MARCHF1: variants seen among roughly 807,000 people sequenced by gnomAD.
MARCHF1 encodes the protein membrane associated ring-CH-type finger 1, also known as E3 ubiquitin-protein ligase MARCHF1.
In MARCHF1, 40 loss-of-function variants were observed where a neutral mutation model predicts 54.2. The ratio of observed to expected loss-of-function variants is 0.74; its 90% CI spans 0.57 to 0.96. The LOEUF (loss-of-function observed/expected upper bound fraction) is 0.96, where lower values mean the gene tolerates loss of function less well. Ranked by LOEUF, MARCHF1 falls within the 40% of genes least tolerant of loss-of-function variation. MARCHF1 has a pLI of 0.00. For synonymous variants in MARCHF1, 236 were observed against 236.3 expected (o/e 1.00, Z 0.01); for missense variants, 586 against 656.5 (o/e 0.89, Z 1.17).
At chr4:164,258,063 T>C (rs559579350) in intron 1 of MARCHF1, among the ~76,000 whole-genome samples, 4 of 152,256 alleles carry the variant, frequency 2.6e-5, no homozygotes, top group South Asian at 2.1e-4. Context: ...CATGGAATAC[T>C]ATGCAGCCAT....
At chr4:164,179,652 A>G (rs1222664701) in intron 1 of MARCHF1, among the ~76,000 whole-genome samples, 5 of 152,002 alleles carry the variant, frequency 3.3e-5, no homozygotes, top group African/African-American at 1.2e-4. Context: ...TTAATGAAAA[A>G]ACTTTGCACA....
intron 1 of MARCHF1, among the ~76,000 whole-genome samples, chr4:164,287,820 TTAGAA>T (rs1339995340): frequency 6.6e-6 from 1 of 152,208 alleles, no homozygotes; most frequent in Non-Finnish European, 1.5e-5. Context: ...TATCTACTCT[TTAGAA>T]TAGCTAATGC....
chr4:164,275,079 A>T (rs1733844408), intron 1 of MARCHF1, among the ~76,000 whole-genome samples: 1 of 151,508 alleles, frequency 6.6e-6, no homozygotes, highest in Non-Finnish European at 1.5e-5. Context: ...TTCCTTTAAT[A>T]AAAATATAAA....
chr4:163,847,506 T>C (rs946411457), intron 4 of MARCHF1, among the ~76,000 whole-genome samples: 3 of 150,538 alleles, frequency 2.0e-5, no homozygotes, highest in Non-Finnish European at 4.4e-5. Flanking sequence ...TCTTACCTGC[T>C]ACTACCTTTT....
At chr4:163,659,845 A>G (rs1393580992) in intron 5 of MARCHF1, among the ~76,000 whole-genome samples, 2 of 152,150 alleles carry the variant, frequency 1.3e-5, no homozygotes, top group Non-Finnish European at 2.9e-5. Context: ...CAAAAGCACA[A>G]TGAGATACCA....
intron 4 of MARCHF1, among the ~76,000 whole-genome samples, chr4:163,786,251 AC>A (rs2110922303): frequency 6.6e-6 from 1 of 152,142 alleles, no homozygotes; most frequent in African/African-American, 2.4e-5. Flanking sequence ...TGACTCTATT[AC>A]TTTTTTAATT....
At chr4:164,375,293 A>G (rs1731154379) in intron 1 of MARCHF1, among the ~76,000 whole-genome samples, 1 of 152,214 alleles carries the variant, frequency 6.6e-6, no homozygotes. Context: ...ATATCTACCC[A>G]TAATTCTACC....
chr4:163,654,389 G>C (rs1743069011), intron 5 of MARCHF1, among the ~76,000 whole-genome samples: 1 of 151,622 alleles, frequency 6.6e-6, no homozygotes, highest in Non-Finnish European at 1.5e-5. Context: ...TGAAGCAGTT[G>C]AGAGATTGTA....
At chr4:164,100,786 G>T (rs13120963) in intron 2 of MARCHF1, among the ~76,000 whole-genome samples, 121 of 152,244 alleles carry the variant, frequency 7.9e-4, no homozygotes, top group African/African-American at 2.8e-3. Context: ...GAACAGCTCC[G>T]GTCTACAGCT....
chr4:164,184,215 T>A (rs893636642), intron 1 of MARCHF1, among the ~76,000 whole-genome samples: 8 of 152,206 alleles, frequency 5.3e-5, no homozygotes, highest in Non-Finnish European at 1.2e-4. Flanking sequence ...TTTTTCCCGA[T>A]ATAATTCTTC....
intron 2 of MARCHF1, among the ~76,000 whole-genome samples, chr4:164,026,297 A>T (rs1294902088): frequency 6.6e-6 from 1 of 152,104 alleles, no homozygotes; most frequent in Non-Finnish European, 1.5e-5. Flanking sequence ...AAAACTTCAG[A>T]TCAATCTCCC....
At chr4:163,747,922 T>A (rs1466996145) in intron 4 of MARCHF1, among the ~76,000 whole-genome samples, 1 of 152,170 alleles carries the variant, frequency 6.6e-6, no homozygotes, top group South Asian at 2.1e-4. Flanking sequence ...CTGACTCTAG[T>A]GGCCAGAGAG....
chr4:163,608,988 C>G (rs2110915991), intron 7 of MARCHF1, among the ~76,000 whole-genome samples: 1 of 152,184 alleles, frequency 6.6e-6, no homozygotes, highest in Non-Finnish European at 1.5e-5. Context: ...GGCATCACTG[C>G]TACCTCCTTG....
At chr4:163,541,402 A>G (rs1321736003) in intron 9 of MARCHF1, among the ~76,000 whole-genome samples, 1 of 152,258 alleles carries the variant, frequency 6.6e-6, no homozygotes, top group Non-Finnish European at 1.5e-5. Flanking sequence ...ATACACAGAT[A>G]ATATACTGAA....
chr4:164,021,534 T>G (rs990702822), intron 2 of MARCHF1, among the ~76,000 whole-genome samples: 2 of 152,230 alleles, frequency 1.3e-5, no homozygotes, highest in Non-Finnish European at 2.9e-5. Context: ...TTCTGAGCTT[T>G]GCTTTTTGTA....
At chr4:163,804,878 T>A (rs754815574) in intron 4 of MARCHF1, among the ~76,000 whole-genome samples, 1 of 152,226 alleles carries the variant, frequency 6.6e-6, no homozygotes. Flanking sequence ...CTCATTGTTC[T>A]TAGTCTCCTG....
At chr4:163,831,483 C>T (rs921688977) in intron 4 of MARCHF1, among the ~76,000 whole-genome samples, 1 of 152,082 alleles carries the variant, frequency 6.6e-6, no homozygotes, top group African/African-American at 2.4e-5. Flanking sequence ...CCCAGCTCCT[C>T]GGGAGTCTGA....
intron 5 of MARCHF1, among the ~76,000 whole-genome samples, chr4:163,683,668 C>G (rs1744178009): frequency 1.3e-5 from 2 of 152,174 alleles, no homozygotes; most frequent in African/African-American, 2.4e-5. Flanking sequence ...ATCAGGTCTT[C>G]CTGCTGGGGT....
intron 4 of MARCHF1, among the ~76,000 whole-genome samples, chr4:163,782,473 C>T (rs550228035): frequency 4.9e-4 from 75 of 152,074 alleles, no homozygotes; most frequent in African/African-American, 1.7e-3. Context: ...AAGTTCAAGA[C>T]AGGCCTGGCC....
Sources: allele counts gnomAD v4.1 joint callset (sites outside exome capture counted in the v4.1 genomes callset), GRCh38; gene constraint gnomAD v4.1.1; transcripts MANE v1.5; gene names NCBI Gene and HGNC (gene_info 2026-07-23, HGNC 2026-07-21).